CDH18: variants seen among roughly 807,000 people sequenced by gnomAD.
The protein encoded by CDH18 is cadherin-18.
Under a neutral mutation model 67.9 loss-of-function variants are expected in CDH18, and 31 were observed. The observed-to-expected ratio is 0.46, with a 90% confidence interval of 0.34 to 0.62. The LOEUF (loss-of-function observed/expected upper bound fraction) is 0.62, where lower values mean the gene tolerates loss of function less well. Among genes scored for constraint, CDH18 ranks in the 20% least tolerant of loss-of-function variants. The pLI, the probability that CDH18 is intolerant of heterozygous loss-of-function variation, is 0.01. For synonymous variants in CDH18, 362 were observed against 347.2 expected, an observed-to-expected ratio of 1.04 and a Z score of -0.48; for missense variants, 890 against 975.5, an observed-to-expected ratio of 0.91 and a Z score of 1.17.
chr5:19,530,437 TTTA>T lies in CDH18; in HGVS notation c.1391-9662_1391-9660del, dbSNP rs1370801470. ...ATAAATTGTAATTTTCTTTTTTTAT[TTTA>T]TTATTATTATACTTTAAGTTTTAGT... On this transcript the variant is annotated intron_variant, in intron 9 of 12. Transcript: ENST00000382275. Among the ~76,000 whole-genome samples, 6 of 152,128 alleles carry T rather than the reference TTTA, an allele frequency of 3.9e-5. No individual in the cohort carries two copies. In the East Asian group the frequency reaches 1.2e-3, roughly 29 times the overall value.
chr5:19,838,916 C>A lies in CDH18; in HGVS notation c.71G>T (p.Gly24Val). 1 of 1,614,088 alleles carries A rather than the reference C, an allele frequency of 6.2e-7. No homozygotes were observed. Among genetic ancestry groups the A allele is most frequent in the South Asian group, 1.1e-5 (1 of 91,078 alleles). The change falls in exon 3 of 13, where the codon GGA becomes GTA. Residue 24 changes from glycine (G) to valine (V), a missense_variant. Gly to Val is a moderately radical substitution (Grantham distance 109). This residue lies in a region of CDH18 where 234 missense variants were observed against 307.4 expected (regional missense o/e 0.76). Coordinates refer to ENST00000382275, the MANE Select transcript of CDH18 (RefSeq NM_004934.5). Reference protein sequence around the residue: ...VCLCFVQRCYGTAHHSSIKVM... With the variant: ...VCLCFVQRCYVTAHHSSIKVM... ...CTTGATGGAGCTGTGGTGAGCAGTT[C>A]CATAACACCTCTGCACAAAACAGAG...
At chr5:19,858,319 C>G (rs555858261) in intron 2 of CDH18, among the ~76,000 whole-genome samples, 6 of 152,180 alleles carry the variant, frequency 3.9e-5, no homozygotes, top group Non-Finnish European at 7.4e-5. Context: ...GGTTTCACAG[C>G]CTTCAGAGCT....
At chr5:19,791,356 A>AACACACACACAC (rs58429751) in intron 3 of CDH18, among the ~76,000 whole-genome samples, 25,901 of 141,268 alleles carry the variant, frequency 0.18, 2,717 homozygotes, top group Middle Eastern at 0.29. Flanking sequence ...TCGACTTTTA[A>AACACACACACAC]ACACACACAC....
intron 1 of CDH18, among the ~76,000 whole-genome samples, chr5:20,282,899 G>A (rs1746394865): frequency 6.6e-6 from 1 of 152,052 alleles, no homozygotes; most frequent in African/African-American, 2.4e-5. Context: ...AAAAGAACAT[G>A]ATACTGGCAT....
intron 5 of CDH18, among the ~76,000 whole-genome samples, chr5:19,712,116 G>A (rs1409792250): frequency 2.0e-5 from 3 of 151,922 alleles, no homozygotes; most frequent in African/African-American, 7.2e-5. Flanking sequence ...GTGTACACAT[G>A]GACATAGAGT....
intron 5 of CDH18, among the ~76,000 whole-genome samples, chr5:19,630,756 C>G (rs764925053): frequency 6.6e-6 from 1 of 152,026 alleles, no homozygotes; most frequent in Non-Finnish European, 1.5e-5. Flanking sequence ...ATAGAATGAA[C>G]GGGTCCCCTA....
At position 20,330,398 on chromosome 5, in the gene CDH18, G is replaced by A. The variant is rs193113309; in HGVS notation, c.-579-74893C>T. Among the ~76,000 whole-genome samples, 882 of 152,210 alleles carry A rather than the reference G, an allele frequency of 5.8e-3. 5 individuals are homozygous for A. Among genetic ancestry groups the A allele is most frequent in the South Asian group, 0.027 (129 of 4,810 alleles). On this transcript the variant is annotated intron_variant, in intron 1 of 14. Coordinates refer to the CDH18 transcript ENST00000507958. ...ACCATCAGGTGATGGTCAGGAGGTT[G>A]TTAAACTGGCTCTCTAAAATAATAA... is the stretch of plus-strand genomic sequence containing the variant.
chr5:20,213,607 G>T (rs192133398), intron 2 of CDH18, among the ~76,000 whole-genome samples: 5 of 152,162 alleles, frequency 3.3e-5, no homozygotes, highest in Admixed American at 2.6e-4. Flanking sequence ...AGTCTTGGAA[G>T]GGAGTATGTG....
intron 5 of CDH18, among the ~76,000 whole-genome samples, chr5:19,615,609 G>A (rs188536614): frequency 1.3e-5 from 2 of 152,214 alleles, no homozygotes; most frequent in Non-Finnish European, 2.9e-5. Flanking sequence ...TATATGGTAT[G>A]GGTTTTGACA....
At chr5:20,445,132 C>T (rs1006248236) in intron 1 of CDH18, among the ~76,000 whole-genome samples, 2 of 152,164 alleles carry the variant, frequency 1.3e-5, no homozygotes, top group African/African-American at 2.4e-5. Flanking sequence ...CTACTCTCGT[C>T]TTCTAAACAT....
chr5:19,770,891 C>T (rs910003667), intron 3 of CDH18, among the ~76,000 whole-genome samples: 1 of 152,148 alleles, frequency 6.6e-6, no homozygotes, highest in Admixed American at 6.5e-5. Context: ...CACAGAACTA[C>T]AGATGAAGAG....
At chr5:20,479,910 AAAG>A (rs1752678919) in intron 1 of CDH18, among the ~76,000 whole-genome samples, 1 of 152,182 alleles carries the variant, frequency 6.6e-6, no homozygotes, top group South Asian at 2.1e-4. Flanking sequence ...AAAAACATAC[AAAG>A]AAGATCTCAT....
intron 1 of CDH18, among the ~76,000 whole-genome samples, chr5:20,414,676 A>T (rs1311196847): frequency 6.6e-6 from 1 of 152,184 alleles, no homozygotes; most frequent in African/African-American, 2.4e-5. Flanking sequence ...AAATATATGA[A>T]TTTTTTTAAG....
chr5:20,555,964 T>C (rs1478103415), intron 1 of CDH18, among the ~76,000 whole-genome samples: 5 of 152,176 alleles, frequency 3.3e-5, no homozygotes, highest in African/African-American at 1.2e-4. Context: ...TTGGAAATCC[T>C]GCATAGAGTA....
At chr5:20,208,324 G>C (rs1740074579) in intron 2 of CDH18, among the ~76,000 whole-genome samples, 1 of 152,140 alleles carries the variant, frequency 6.6e-6, no homozygotes, top group African/African-American at 2.4e-5. Context: ...CTGCCCCCTT[G>C]ATTCAATTGC....
At chr5:19,652,575 G>C (rs1265019246) in intron 5 of CDH18, among the ~76,000 whole-genome samples, 4 of 152,062 alleles carry the variant, frequency 2.6e-5, no homozygotes, top group Non-Finnish European at 4.4e-5. Flanking sequence ...TGAAAAGTAG[G>C]TAAGAAGACT....
intron 11 of CDH18, among the ~76,000 whole-genome samples, chr5:19,488,251 T>C (rs914870994): frequency 6.6e-6 from 1 of 152,208 alleles, no homozygotes; most frequent in Non-Finnish European, 1.5e-5. Flanking sequence ...AATTACCTTA[T>C]AGCTTAGAAA....
chr5:20,177,405 T>C (rs1389466513), intron 2 of CDH18, among the ~76,000 whole-genome samples: 1 of 152,154 alleles, frequency 6.6e-6, no homozygotes, highest in African/African-American at 2.4e-5. Context: ...TCTATATGAA[T>C]CCATTTGAGA....
chr5:19,511,756 T>C (rs1745151940), intron 10 of CDH18, among the ~76,000 whole-genome samples: 1 of 152,094 alleles, frequency 6.6e-6, no homozygotes, highest in Non-Finnish European at 1.5e-5. Context: ...TTCAAAGGGA[T>C]GGTTTGAATT....
Sources: gnomAD v4.1 joint callset for allele counts (sites outside exome capture counted in the v4.1 genomes callset) on GRCh38, gnomAD v4.1.1 for gene constraint, gnomAD v4.1.1 regional missense constraint, MANE v1.5 for transcripts, NCBI Gene and HGNC (gene_info 2026-07-23, HGNC 2026-07-21) for gene names.